BOP1: variants seen among roughly 807,000 people sequenced by gnomAD.
BOP1 encodes the protein BOP1 ribosomal biogenesis factor, also known as ribosome biogenesis protein BOP1.
Under a neutral mutation model 82.9 loss-of-function variants are expected in BOP1, and 54 were observed. The ratio of observed to expected loss-of-function variants is 0.65; its 90% CI spans 0.52 to 0.82. BOP1 has a LOEUF of 0.82. Ranked by LOEUF, BOP1 falls within the 40% of genes least tolerant of loss-of-function variation. BOP1 has a pLI of 0.00. For missense variants in BOP1, 1,170 were observed against 1,072.0 expected, an observed-to-expected ratio of 1.09 and a Z score of -1.28; for synonymous variants, 566 against 451.1, an observed-to-expected ratio of 1.25 and a Z score of -3.23.
At chr8:144,266,795 C>G (rs1174481820) in intron 3 of BOP1, 19 of 1,124,640 alleles carry the variant, frequency 1.7e-5, no homozygotes, top group Non-Finnish European at 1.7e-5. Context: ...GGCCGGCGGG[C>G]CGGGGGCGGG....
intron 3 of BOP1, among the ~76,000 whole-genome samples, chr8:144,273,098 G>A (rs1350875146): frequency 2.6e-5 from 4 of 152,258 alleles, no homozygotes; most frequent in Non-Finnish European, 5.9e-5. Flanking sequence ...TTCGCTCGCC[G>A]GGAAACCTGA....
At chr8:144,277,370 C>T (rs1554838376) in intron 2 of BOP1, among the ~76,000 whole-genome samples, 9 of 152,350 alleles carry the variant, frequency 5.9e-5, no homozygotes, top group African/African-American at 1.9e-4. Flanking sequence ...ACATGAGCCC[C>T]CACAGCCGCA....
Position 144,263,258 on chromosome 8 carries a change from C to G in BOP1, c.1568G>C (p.Arg523Pro). The G allele has an allele frequency of 6.3e-7, 1 of 1,594,770 alleles. No homozygotes were observed. Among genetic ancestry groups the G allele is most frequent in the African/African-American group, 1.3e-5 (1 of 74,946 alleles). The change falls in exon 12 of 16, where the codon CGC (arginine) becomes CCC (proline). Residue 523 changes from arginine (R) to proline (P), a missense_variant. Physicochemically the swap from Arg to Pro is moderately radical, Grantham distance 103 (BLOSUM62 -2). Coordinates refer to ENST00000569669, the MANE Select transcript of BOP1 (RefSeq NM_015201.5). ...ARWLEASEEE[R>P]QVGLRLRICH... is the part of the protein sequence containing the mutation. Reference sequence around the variant, plus strand: ...GATGCGCAGCCGCAGGCCCACTTGGCGCTCCTCCTCTGAGGCCTCCAGCCA... The same window carrying G: ...GATGCGCAGCCGCAGGCCCACTTGGGGCTCCTCCTCTGAGGCCTCCAGCCA...
intron 3 of BOP1, among the ~76,000 whole-genome samples, chr8:144,270,738 C>T (rs922517782): frequency 6.6e-6 from 1 of 152,152 alleles, no homozygotes; most frequent in Non-Finnish European, 1.5e-5. Context: ...GGCAGGTGCT[C>T]CCTGCCCACC....
At position 144,262,280 on chromosome 8, in the gene BOP1, C is replaced by T. The variant is rs1845209315; in HGVS notation, c.2125G>A (p.Val709Met). Residue 709 changes from valine to methionine, a missense_variant, in exon 16 of 16, where the codon GTG becomes ATG. Coordinates refer to ENST00000569669, the MANE Select transcript of BOP1 (RefSeq NM_015201.5). ...LQNPLLVPVK[V>M]LKGHVLTRDL... ...CGGGTCAGCACGTGTCCCTTCAGCA[C>T]CTTGACGGGCACCAGCAAGGGGTTC... 2 of 1,612,844 alleles carry T rather than the reference C, an allele frequency of 1.2e-6. No homozygotes were observed. The highest frequency in any genetic ancestry group is 8.5e-7 in the Non-Finnish European group (1 of 1,179,814).
At chr8:144,267,249 A>G in intron 3 of BOP1, 1 of 1,436,460 alleles carries the variant, frequency 7.0e-7, no homozygotes, top group Admixed American at 2.7e-5. Context: ...TGCCAGGCAG[A>G]GGAGGCGAGG....
rs886332425 is a variant in BOP1 at position 144,264,585 on chromosome 8, A to G, written c.695T>C (p.Met232Thr). 1.2e-5 allele frequency: 19 copies of G among 1,607,912 alleles called. No individual in the cohort carries two copies. The East Asian group carries it at 4.2e-4, about 36-fold the overall frequency. ...CGGGCGGTTGGTCACCGGGTGGATC[A>G]TGACGTCCCCGCTGAAGAAGTCGAC... Reference protein sequence around the residue: ...PAVDFFSGDVMIHPVTNRPAD... With the variant: ...PAVDFFSGDVTIHPVTNRPAD... The change falls in exon 6 of 16, where the codon ATG becomes ACG. Residue 232 changes from methionine to threonine, a missense_variant. Coordinates refer to ENST00000569669, the MANE Select transcript of BOP1 (RefSeq NM_015201.5).
At position 144,285,061 on chromosome 8, in the gene BOP1, A is replaced by G. The variant is rs782047635; in HGVS notation, c.309+4034T>C. ...TGGTTTGGGGCACACACTTGGAATC[A>G]GATTTATGGAGGAGGCTCTCTGAAG... On this transcript the variant is annotated intron_variant, in intron 2 of 15. Transcript: ENST00000569669. Among the ~76,000 whole-genome samples the G allele has an allele frequency of 2.0e-5, 3 of 152,208 alleles. No homozygotes were observed. In the East Asian group the frequency reaches 5.8e-4, roughly 29 times the overall value.
chr8:144,280,987 G>A (rs1005492790), intron 2 of BOP1, among the ~76,000 whole-genome samples: 1 of 150,186 alleles, frequency 6.7e-6, no homozygotes, highest in Non-Finnish European at 1.5e-5. Flanking sequence ...CCAGGTCTTC[G>A]GCCTTCTCTC....
intron 3 of BOP1, among the ~76,000 whole-genome samples, chr8:144,272,310 C>T (rs1845504584): frequency 6.6e-6 from 1 of 152,190 alleles, no homozygotes; most frequent in Non-Finnish European, 1.5e-5. Context: ...CCTCCAAAAT[C>T]TCATTCTGGA....
At position 144,262,264 on chromosome 8, in the gene BOP1, A is replaced by G; in HGVS notation, c.2141T>C (p.Val714Ala). 6.2e-7 allele frequency: 1 copy of G among 1,612,826 alleles called. No individual in the cohort carries two copies. Residue 714 changes from valine to alanine, a missense_variant, in exon 16 of 16, where the codon GTG becomes GCG. Physicochemically the swap from Val to Ala is moderately conservative, Grantham distance 64. Transcript: ENST00000569669. ...LVPVKVLKGH[V>A]LTRDLGVLDV... ...CAGCACTCCCAGATCTCGGGTCAGC[A>G]CGTGTCCCTTCAGCACCTTGACGGG...
At chr8:144,269,224 G>A (rs921841153) in intron 3 of BOP1, among the ~76,000 whole-genome samples, 1 of 152,244 alleles carries the variant, frequency 6.6e-6, no homozygotes, top group Admixed American at 6.5e-5. Flanking sequence ...ATTGAGTGGT[G>A]TGAGATCAGT....
At chr8:144,270,952 G>A (rs929356609) in intron 3 of BOP1, among the ~76,000 whole-genome samples, 8 of 152,070 alleles carry the variant, frequency 5.3e-5, no homozygotes, top group Non-Finnish European at 7.4e-5. Flanking sequence ...CCTGGGGAAC[G>A]AGCTGCTGGC....
At position 144,271,089 on chromosome 8, in the gene BOP1, C is replaced by T. The variant is rs1336700581; in HGVS notation, c.390+5135G>A. ...CCCCGCACGGAGAGCCCCGGCCGGC[C>T]GGCCGGGGGCACACACAGACCCAGC... On this transcript the variant is annotated intron_variant, in intron 3 of 15. Coordinates refer to ENST00000569669, the MANE Select transcript of BOP1 (RefSeq NM_015201.5). Among the ~76,000 whole-genome samples the T allele has an allele frequency of 3.9e-5, 6 of 152,048 alleles. No individual in the cohort carries two copies. The East Asian group carries it at 7.8e-4, about 20-fold the overall frequency.
intron 2 of BOP1, among the ~76,000 whole-genome samples, chr8:144,282,824 CTT>C (rs1465523614): frequency 6.6e-6 from 1 of 152,070 alleles, no homozygotes; most frequent in Admixed American, 6.5e-5. Flanking sequence ...GACCCTGCTC[CTT>C]GAGTGCACCT....
Position 144,263,537 on chromosome 8 carries a change from G to GC in BOP1, c.1364dup (p.Val456ArgfsTer51). ...GGTTCCAGGCCACACTCTTCACCAC[G>GC]CCCCCCACGGGAACAGTCCTCACAC... On this transcript the variant is annotated frameshift_variant, in exon 11 of 16. Transcript: ENST00000569669. LOFTEE classifies it high-confidence loss of function. 3.1e-6 allele frequency: 5 copies of GC among 1,600,130 alleles called. No homozygotes were observed. Among genetic ancestry groups the GC allele is most frequent in the Non-Finnish European group, 4.2e-6 (5 of 1,179,702 alleles).
intron 3 of BOP1, among the ~76,000 whole-genome samples, chr8:144,275,139 C>T (rs1203135362): frequency 2.0e-5 from 3 of 152,062 alleles, no homozygotes; most frequent in Non-Finnish European, 4.4e-5. Context: ...TCCCCCAGGC[C>T]CCCCGGGGAC....
At chr8:144,267,580 G>A (rs929814024) in intron 3 of BOP1, among the ~76,000 whole-genome samples, 14 of 152,376 alleles carry the variant, frequency 9.2e-5, no homozygotes, top group African/African-American at 3.1e-4. Flanking sequence ...AGGACCCCGG[G>A]TTCTTAGCCC....
At chr8:144,262,745 A>ACCCCTCACCTGCAGGGTGCACTGCCCCC (rs1845241644) in intron 13 of BOP1, 73 bp from the exon 14 acceptor site, 1 of 1,426,638 alleles carries the variant, frequency 7.0e-7, no homozygotes, top group African/African-American at 1.9e-5. Flanking sequence ...CGTCACCTAC[A>ACCCCTCACCTGCAGGGTGCACTGCCCCC]CCCCTCACCT....
Sources: gnomAD v4.1 joint callset for allele counts (sites outside exome capture counted in the v4.1 genomes callset) on GRCh38, gnomAD v4.1.1 for gene constraint, MANE v1.5 for transcripts, NCBI Gene and HGNC (gene_info 2026-07-23, HGNC 2026-07-21) for gene names.